Variants in PDZD9 observed in about 807,000 individuals in gnomAD.
The protein encoded by PDZD9 is PDZ domain containing 9.
In PDZD9, 13 loss-of-function variants were observed where a neutral mutation model predicts 16.3. The observed-to-expected ratio is 0.80, with a 90% CI of 0.52 to 1.27. The LOEUF is 1.27. Among genes scored for constraint, PDZD9 ranks in the 50% most tolerant of loss-of-function variants. The pLI is 0.00. For synonymous variants in PDZD9, 120 were observed against 111.0 expected, an observed-to-expected ratio of 1.08 and a Z score of -0.51; for missense variants, 288 against 310.9, an observed-to-expected ratio of 0.93 and a Z score of 0.55.
the PDZD9 span, chr16:21,959,319 C>CT: frequency 4.6e-6 from 1 of 216,658 alleles, no homozygotes; most frequent in South Asian, 5.6e-5. Context: ...ATGTAATATT[C>CT]TTTTTTATCA....
chr16:21,972,129 C>T, the PDZD9 span: 4 of 1,610,888 alleles, frequency 2.5e-6, no homozygotes, highest in Admixed American at 6.7e-5. Flanking sequence ...TGATGTGAGT[C>T]TGAACAGTTG....
chr16:21,982,319 G>A (rs1481435299), downstream of PDZD9, among the ~76,000 whole-genome samples: 1 of 152,104 alleles, frequency 6.6e-6, no homozygotes, highest in East Asian at 1.9e-4. Context: ...ACCAGCCTTT[G>A]AACTTGGAAG....
At chr16:21,976,040 T>C in the PDZD9 span, 1 of 615,902 alleles carries the variant, frequency 1.6e-6, no homozygotes, top group African/African-American at 1.9e-5. Flanking sequence ...GCATTCCGCA[T>C]GGACACTGTG....
intron 2 of PDZD9, among the ~76,000 whole-genome samples, chr16:21,989,297 T>C (rs1237855879): frequency 6.6e-6 from 1 of 152,166 alleles, no homozygotes; most frequent in East Asian, 1.9e-4. Flanking sequence ...CTGAAGAATG[T>C]ATGCAAGATG....
the PDZD9 span, chr16:21,976,441 C>T: frequency 2.1e-6 from 1 of 465,822 alleles, no homozygotes; most frequent in East Asian, 3.9e-5. Context: ...TCACTAATCC[C>T]AGCACTTTGG....
the PDZD9 span, among the ~76,000 whole-genome samples, chr16:21,975,436 A>G: frequency 6.6e-6 from 1 of 152,140 alleles, no homozygotes; most frequent in East Asian, 1.9e-4. Context: ...ATGGGCAGCT[A>G]AAATGAAGGG....
Position 21,988,910 on chromosome 16 carries a change from C to G in PDZD9, c.212-119G>C, listed in dbSNP as rs1898953837. 5.4e-6 allele frequency: 4 copies of G among 737,254 alleles called. No individual in the cohort carries two copies. In the South Asian group the frequency reaches 9.9e-5, roughly 18 times the overall value. The allele number at this position is 737,254 out of a possible 1,614,324, so 45.7% of individuals were successfully genotyped here. A position where few individuals can be genotyped will look rare whatever the true frequency, so the allele number is the denominator to read the frequency against. On this transcript the variant is annotated intron_variant, in intron 2 of 3. Coordinates refer to ENST00000424898, the MANE Select transcript of PDZD9 (RefSeq NM_001363519.1). Reference sequence around the variant, plus strand: ...GTTCATATTGTTGATTCTTTTTGAACCAAAACCAGGCTTCAGCCTTTTTTT... The same window carrying G: ...GTTCATATTGTTGATTCTTTTTGAAGCAAAACCAGGCTTCAGCCTTTTTTT...
In PDZD9 at chr16:21,984,101, T is replaced by C. The variant is rs768512962; in HGVS notation, c.*166A>G. The C allele has an allele frequency of 2.9e-6, 2 of 679,720 alleles. No individual in the cohort carries two copies. The highest frequency in any genetic ancestry group is 4.6e-6 in the Non-Finnish European group (2 of 432,662). The allele number at this position is 679,720 out of a possible 1,614,324, so 42.1% of individuals were successfully genotyped here. ...GCCTGCAAGAACCCAAGGAAGTCTT[T>C]AGATAATCCTGTTGAAGAACATCTC... is the stretch of plus-strand genomic sequence containing the variant. On this transcript the variant is annotated 3_prime_UTR_variant, in exon 4 of 4. Transcript: ENST00000424898.
In PDZD9 at chr16:21,984,196, G is replaced by A; in HGVS notation, c.*71C>T. The A allele has an allele frequency of 6.7e-7, 1 of 1,502,374 alleles. No individual in the cohort carries two copies. Among genetic ancestry groups the A allele is most frequent in the East Asian group, 2.3e-5 (1 of 44,068 alleles). 93.1% of individuals were successfully genotyped at this position (1,502,374 alleles called of 1,614,324 possible). A position where few individuals can be genotyped will look rare whatever the true frequency, so the allele number is the denominator to read the frequency against. The stretch of plus-strand genomic sequence containing the variant: ...CTACAGACAGTCCTTGATAAGTACA[G>A]CAAACTTGTGCCTGGTGAGGCACAA... On this transcript the variant is annotated 3_prime_UTR_variant, in exon 4 of 4. Transcript: ENST00000424898.
At chr16:21,983,209 TC>T, downstream of PDZD9, 1 of 1,580,736 alleles carries the variant, frequency 6.3e-7, no homozygotes, top group Non-Finnish European at 8.7e-7. Flanking sequence ...CTGAACGTTC[TC>T]TCAGCCCAGA....
intron 2 of PDZD9, among the ~76,000 whole-genome samples, chr16:21,992,666 G>T (rs565478717): frequency 3.2e-4 from 49 of 152,242 alleles, no homozygotes; most frequent in African/African-American, 1.1e-3. Context: ...TTGGACTCTT[G>T]GACTTACACC....
chr16:21,979,048 C>T (rs746599718), downstream of PDZD9, among the ~76,000 whole-genome samples: 5 of 152,236 alleles, frequency 3.3e-5, no homozygotes, highest in African/African-American at 7.2e-5. Context: ...AAGCATTGAA[C>T]GGTATCCTCC....
intron 1 of PDZD9, among the ~76,000 whole-genome samples, chr16:21,997,741 A>C (rs1404943239): frequency 6.6e-6 from 1 of 152,230 alleles, no homozygotes; most frequent in East Asian, 1.9e-4. Flanking sequence ...CAACAAGTTA[A>C]TTTCCCAAGA....
chr16:21,969,003 G>A, the PDZD9 span, among the ~76,000 whole-genome samples: 1 of 152,292 alleles, frequency 6.6e-6, no homozygotes, highest in South Asian at 2.1e-4. Context: ...AACAGGCAAA[G>A]GGCATGAACA....
chr16:21,973,381 CA>C, the PDZD9 span, among the ~76,000 whole-genome samples: 1 of 152,168 alleles, frequency 6.6e-6, no homozygotes, highest in Non-Finnish European at 1.5e-5. Flanking sequence ...AAGCTCTGCT[CA>C]AACTAGATAA....
chr16:21,987,203 T>G (rs1898896332), intron 3 of PDZD9, among the ~76,000 whole-genome samples: 1 of 152,168 alleles, frequency 6.6e-6, no homozygotes, highest in South Asian at 2.1e-4. Context: ...GCAGATCACC[T>G]GAGGTCAGGA....
chr16:21,968,668 T>C, the PDZD9 span: 5 of 1,609,752 alleles, frequency 3.1e-6, no homozygotes, highest in South Asian at 3.3e-5. Flanking sequence ...AGTGCAAGAA[T>C]GGCTTTGATT....
At chr16:21,980,410 G>A, downstream of PDZD9, 2 of 860,988 alleles carry the variant, frequency 2.3e-6, no homozygotes, top group Admixed American at 2.7e-5. Flanking sequence ...TCTTCTTGGG[G>A]AATTCAGGAA....
chr16:21,988,518 A>T, intron 3 of PDZD9, 84 bp downstream of exon 3: 1 of 1,132,502 alleles, frequency 8.8e-7, no homozygotes, highest in Non-Finnish European at 1.3e-6. Flanking sequence ...TTATCATTTG[A>T]TAATTGTCAC....
Sources: gnomAD v4.1 joint callset for allele counts (sites outside exome capture counted in the v4.1 genomes callset) on GRCh38, gnomAD v4.1.1 for gene constraint, MANE v1.5 for transcripts, NCBI Gene and HGNC (gene_info 2026-07-23, HGNC 2026-07-21) for gene names.